The following UPF2 variants were observed in gnomAD, a reference collection of about 807,000 sequenced individuals.
The protein encoded by UPF2 is UPF2 regulator of nonsense mediated mRNA decay.
A neutral mutation model predicts 141.4 loss-of-function variants in UPF2; 17 were observed. The observed-to-expected ratio is 0.12, with a 90% CI of 0.08 to 0.18. The LOEUF (loss-of-function observed/expected upper bound fraction) is 0.18. Ranked by LOEUF, UPF2 falls within the 10% of genes least tolerant of loss-of-function variation. The pLI is 1.00. For synonymous variants in UPF2, 540 were observed against 498.0 expected (o/e 1.08, Z -1.12); for missense variants, 1,152 against 1,515.9 (o/e 0.76, Z 3.99).
intron 21 of UPF2, among the ~76,000 whole-genome samples, chr10:11,922,388 A>C (rs1383877647): frequency 6.6e-6 from 1 of 152,196 alleles, no homozygotes; most frequent in East Asian, 1.9e-4. Flanking sequence ...GTATATCCTC[A>C]GCTGGATAAG....
intron 1 of UPF2, among the ~76,000 whole-genome samples, chr10:12,038,686 G>A (rs904291100): frequency 3.3e-5 from 5 of 151,806 alleles, no homozygotes; most frequent in African/African-American, 1.2e-4. Context: ...CCGAGATAGC[G>A]CCACTGCACT....
At chr10:12,024,271 A>G (rs893302176) in intron 3 of UPF2, among the ~76,000 whole-genome samples, 3 of 151,992 alleles carry the variant, frequency 2.0e-5, no homozygotes, top group Non-Finnish European at 4.4e-5. Flanking sequence ...CAGCCTGGAC[A>G]ACAGTGTGAG....
intron 11 of UPF2, among the ~76,000 whole-genome samples, chr10:11,962,549 T>C (rs1055586754): frequency 2.6e-5 from 4 of 152,192 alleles, no homozygotes; most frequent in African/African-American, 9.7e-5. Flanking sequence ...CATACCCCGA[T>C]TCATTTCTGC....
In UPF2 at chr10:12,028,880, C is replaced by T. The variant is rs372364177; in HGVS notation, c.1010G>A (p.Ser337Asn). The T allele has an allele frequency of 6.2e-7, 1 of 1,614,006 alleles. No homozygotes were observed. The highest frequency in any genetic ancestry group is 1.3e-5 in the African/African-American group (1 of 74,924). ...ACTAATTATCTCACTAGGAGGAAAA[C>T]TCAAATTAAACTTCTCTGCAGCACT... ...VKSAAEKFNL[S>N]FPPSEIISPE... Residue 337 changes from serine to asparagine, a missense_variant, in exon 3 of 22, where the codon AGT becomes AAT. Ser to Asn is a conservative substitution (Grantham distance 46). Coordinates refer to ENST00000357604, the MANE Select transcript of UPF2 (RefSeq NM_015542.4).
intron 1 of UPF2, among the ~76,000 whole-genome samples, chr10:12,040,560 C>A (rs1354654463): frequency 6.6e-6 from 1 of 152,112 alleles, no homozygotes; most frequent in African/African-American, 2.4e-5. Context: ...ACATTACAAG[C>A]ATACGCCCAA....
In UPF2 at chr10:11,967,450, C is replaced by A; in HGVS notation, c.1958G>T (p.Arg653Leu). ...MLRGDFRFHV[R>L]KKDQINIETK... is the part of the protein sequence containing the mutation. The stretch of plus-strand genomic sequence containing the variant: ...TTCAATATTGATCTGGTCCTTTTTC[C>A]GTACCTAAAAATTAAGAGAGAAAAG... The change falls in exon 10 of 22, where the codon CGG (arginine) becomes CTG (leucine). Residue 653 changes from arginine to leucine, a missense_variant. Transcript: ENST00000357604. 1 of 1,543,264 alleles carries A rather than the reference C, an allele frequency of 6.5e-7. No individual in the cohort carries two copies. The highest frequency in any genetic ancestry group is 8.7e-7 in the Non-Finnish European group (1 of 1,145,228).
intron 3 of UPF2, among the ~76,000 whole-genome samples, chr10:12,026,230 T>C (rs1164542404): frequency 6.6e-6 from 1 of 152,132 alleles, no homozygotes; most frequent in Non-Finnish European, 1.5e-5. Flanking sequence ...ATTTCACTAG[T>C]TTAAGGTGAA....
intron 19 of UPF2, among the ~76,000 whole-genome samples, chr10:11,933,620 A>C (rs1832807520): frequency 6.6e-6 from 1 of 152,198 alleles, no homozygotes; most frequent in Non-Finnish European, 1.5e-5. Flanking sequence ...AAATACACAT[A>C]ATCTTATTTT....
At chr10:12,036,926 G>A (rs1834635864) in intron 1 of UPF2, among the ~76,000 whole-genome samples, 1 of 152,164 alleles carries the variant, frequency 6.6e-6, no homozygotes, top group South Asian at 2.1e-4. Context: ...TCGGGAGGCT[G>A]AGGCAGGAGA....
chr10:11,978,372 C>T (rs897820680), intron 9 of UPF2, among the ~76,000 whole-genome samples: 2 of 152,158 alleles, frequency 1.3e-5, no homozygotes, highest in African/African-American at 4.8e-5. Context: ...CTTTTAGTCA[C>T]CTCTGGCAGT....
At position 11,942,713 on chromosome 10, in the gene UPF2, A is replaced by G. The variant is rs769247054; in HGVS notation, c.3330T>C (p.Asp1110=). ...GGLKHVPCVE[D]EDFIQALDKM... The stretch of plus-strand genomic sequence containing the variant: ...TATCCAGAGCTTGAATGAAGTCCTC[A>G]TCTTCTACACAAGGTACATGCTTAA... Residue 1110 remains aspartate, a synonymous_variant, in exon 18 of 22, where the codon GAT becomes GAC. Coordinates refer to ENST00000357604, the MANE Select transcript of UPF2 (RefSeq NM_015542.4). 2.2e-5 allele frequency: 35 copies of G among 1,613,962 alleles called. No individual in the cohort carries two copies. The highest frequency in any genetic ancestry group is 2.9e-5 in the Non-Finnish European group (34 of 1,179,988).
At chr10:11,993,598 C>CAA (rs112806044) in intron 8 of UPF2, among the ~76,000 whole-genome samples, 2 of 151,036 alleles carry the variant, frequency 1.3e-5, no homozygotes. Flanking sequence ...AGCCACAAAA[C>CAA]AAAACAAAAA....
rs747599843 is a variant in UPF2 at position 12,004,693 on chromosome 10, A to G, written c.1341T>C (p.Gly447=). 3 of 1,613,818 alleles carry G rather than the reference A, an allele frequency of 1.9e-6. No individual in the cohort carries two copies. The highest frequency in any genetic ancestry group is 2.2e-5 in the South Asian group (2 of 91,064). ...HGPGIDIFTP[G]KPGEYDLEGG... The stretch of plus-strand genomic sequence containing the variant: ...CTTCCAAGTCATATTCTCCAGGTTT[A>G]CCAGGTGTGAATATATCAATTCCAG... The change falls in exon 5 of 22, where the codon GGT becomes GGC. Residue 447 remains glycine (G), a synonymous_variant. Transcript: ENST00000357604.
chr10:11,983,411 C>T (rs1833632512), intron 8 of UPF2, among the ~76,000 whole-genome samples: 2 of 151,956 alleles, frequency 1.3e-5, no homozygotes, highest in African/African-American at 4.8e-5. Context: ...CTCGCTCTGC[C>T]GCCCAGGCTG....
At chr10:11,997,890 A>G in intron 7 of UPF2, 133 bp from the exon 8 acceptor site, 1 of 860,778 alleles carries the variant, frequency 1.2e-6, no homozygotes. Flanking sequence ...TATTGTTAGT[A>G]TCAGGAAAGT....
In UPF2 at chr10:12,029,455, A is replaced by G. The variant is rs145652855; in HGVS notation, c.435T>C (p.Arg145=). The change falls in exon 3 of 22, where the codon CGT becomes CGC. Residue 145 remains arginine (R), a synonymous_variant. Transcript: ENST00000357604. The part of the protein sequence containing the change: ...WERHHLRKEL[R]SKNQNAPDSR... ...TGTCCGGAGCATTTTGGTTTTTGCT[A>G]CGAAGTTCCTTTCTTAAATGATGTC... 8.7e-6 allele frequency: 14 copies of G among 1,613,072 alleles called. No individual in the cohort carries two copies. In the East Asian group the frequency reaches 3.1e-4, roughly 36 times the overall value.
chr10:11,936,657 T>C lies in UPF2; in HGVS notation c.3434A>G (p.His1145Arg). The change falls in exon 19 of 22, where the codon CAT (histidine) becomes CGT (arginine). Residue 1145 changes from histidine (H) to arginine (R), a missense_variant. Physicochemically the swap from His to Arg is conservative, Grantham distance 29. Coordinates refer to ENST00000357604, the MANE Select transcript of UPF2 (RefSeq NM_015542.4). The surrounding 1 kb of genome is among the most constrained non-coding windows in gnomAD (Gnocchi z 6.6). Reference protein sequence around the residue: ...VHQLDVAIPLHLKSQLRKGPP... With the variant: ...VHQLDVAIPLRLKSQLRKGPP... Reference sequence around the variant, plus strand: ...CCCTTTCCTCAGCTGGCTTTTGAGATGCAAAGGAATGGCAACATCTAGTTG... The same window carrying C: ...CCCTTTCCTCAGCTGGCTTTTGAGACGCAAAGGAATGGCAACATCTAGTTG... 4 of 1,613,396 alleles carry C rather than the reference T, an allele frequency of 2.5e-6. No homozygotes were observed. Among genetic ancestry groups the C allele is most frequent in the Non-Finnish European group, 3.4e-6 (4 of 1,179,712 alleles).
chr10:11,987,569 C>T (rs1833712728), intron 8 of UPF2, among the ~76,000 whole-genome samples: 2 of 151,438 alleles, frequency 1.3e-5, no homozygotes, highest in Admixed American at 6.6e-5. Flanking sequence ...ACCAGCCTGG[C>T]CAACATCATG....
chr10:12,041,403 T>G (rs986367749), intron 1 of UPF2, among the ~76,000 whole-genome samples: 13 of 152,138 alleles, frequency 8.5e-5, no homozygotes, highest in Non-Finnish European at 1.8e-4. Flanking sequence ...GCTCCCAAAA[T>G]AGTGTCCTGT....
Sources: allele counts gnomAD v4.1 joint callset (sites outside exome capture counted in the v4.1 genomes callset), GRCh38; gene constraint gnomAD v4.1.1; non-coding constraint Gnocchi (gnomAD v3.1); transcripts MANE v1.5; gene names NCBI Gene and HGNC (gene_info 2026-07-23, HGNC 2026-07-21).